ZNF565: variants seen among roughly 807,000 people sequenced by gnomAD.
ZNF565 encodes the protein zinc finger protein 565.
ZNF565 carries 27 observed loss-of-function variants against 39.4 expected under a neutral mutation model. The ratio of observed to expected loss-of-function variants is 0.69; its 90% CI spans 0.51 to 0.95. ZNF565 has a LOEUF of 0.95. Among genes scored for constraint, ZNF565 ranks in the 40% least tolerant of loss-of-function variants. The probability of loss-of-function intolerance (pLI) is 0.00; values close to 1 mark genes in which losing one functional copy is unlikely to be tolerated. For missense variants in ZNF565, 524 were observed against 621.1 expected (o/e 0.84, Z 1.66); for synonymous variants, 185 against 216.6 (o/e 0.85, Z 1.28).
Position 36,209,954 on chromosome 19 carries a change from G to T in ZNF565, c.-66+4668C>A, listed in dbSNP as rs146140706. On this transcript the variant is annotated intron_variant, in intron 1 of 4. Coordinates refer to ENST00000304116, the MANE Select transcript of ZNF565 (RefSeq NM_152477.5). Reference sequence around the variant, plus strand: ...GTGAGCCACATTTTTCAATGTCAAAGAAAGGAGTTACAAAAAGGGAAATGG... The same window carrying T: ...GTGAGCCACATTTTTCAATGTCAAATAAAGGAGTTACAAAAAGGGAAATGG... Among the ~76,000 whole-genome samples the T allele has an allele frequency of 2.6e-3, 398 of 151,896 alleles. 3 individuals carry two copies. Among genetic ancestry groups the T allele is most frequent in the African/African-American group, 8.9e-3 (368 of 41,462 alleles).
At chr19:36,211,486 C>A (rs1008353311) in intron 1 of ZNF565, among the ~76,000 whole-genome samples, 2 of 147,402 alleles carry the variant, frequency 1.4e-5, no homozygotes, top group African/African-American at 5.1e-5. Context: ...CACACACACA[C>A]AATTCTAATT....
At chr19:36,208,025 A>T (rs1046160465) in intron 1 of ZNF565, among the ~76,000 whole-genome samples, 3 of 152,126 alleles carry the variant, frequency 2.0e-5, no homozygotes, top group Non-Finnish European at 4.4e-5. Flanking sequence ...ATTAGGCCAT[A>T]CTTTGACTAG....
chr19:36,183,530 G>T lies in ZNF565; in HGVS notation c.436C>A (p.Pro146Thr). ...TGAGACGTGTGATGCTGGAACACGG[G>T]CATATGTCCATAGGTGACGTTCACT... ...KQVNVTYGHM[P>T]VFQHHTSHTV... Residue 146 changes from proline (P) to threonine (T), a missense_variant, in exon 5 of 5, where the codon CCC becomes ACC. Coordinates refer to ENST00000304116, the MANE Select transcript of ZNF565 (RefSeq NM_152477.5). 6.2e-7 allele frequency: 1 copy of T among 1,614,186 alleles called. No individual in the cohort carries two copies.
rs543470360 is a variant in ZNF565, at chr19:36,192,430, C to CA, written c.232+1802dup. Among the ~76,000 whole-genome samples the CA allele has an allele frequency of 6.5e-4, 99 of 151,898 alleles. No individual in the cohort carries two copies. The Middle Eastern group carries it at 0.01, about 16-fold the overall frequency. The stretch of plus-strand genomic sequence containing the variant: ...CAAACGTAAAGTGAGAGACAATCTA[C>CA]AAAAAAATACTCATTAAGAGGATCA... On this transcript the variant is annotated intron_variant, in intron 4 of 4. Coordinates refer to ENST00000304116, the MANE Select transcript of ZNF565 (RefSeq NM_152477.5).
intron 1 of ZNF565, among the ~76,000 whole-genome samples, chr19:36,203,975 G>A (rs1243405400): frequency 7.3e-5 from 11 of 150,392 alleles, no homozygotes; most frequent in African/African-American, 2.7e-4. Flanking sequence ...TTTGAAATGG[G>A]GTTTCACTCT....
At chr19:36,200,794 A>G (rs1421162714) in intron 2 of ZNF565, among the ~76,000 whole-genome samples, 2 of 145,068 alleles carry the variant, frequency 1.4e-5, no homozygotes, top group African/African-American at 2.6e-5. Flanking sequence ...GCATATATAT[A>G]TATTTTCTGA....
intron 1 of ZNF565, among the ~76,000 whole-genome samples, chr19:36,234,545 T>C (rs1381454043): frequency 1.3e-5 from 2 of 152,174 alleles, no homozygotes; most frequent in South Asian, 2.1e-4. Flanking sequence ...ATCTGGTTGC[T>C]CGCCACCACG....
intron 1 of ZNF565, among the ~76,000 whole-genome samples, chr19:36,207,478 T>C (rs376028139): frequency 1.3e-5 from 2 of 151,748 alleles, no homozygotes; most frequent in South Asian, 2.1e-4. Context: ...AGGCGGAGGT[T>C]GCGGTGAGCC....
chr19:36,235,362 A>G (rs1342172139), intron 1 of ZNF565, among the ~76,000 whole-genome samples: 1 of 152,168 alleles, frequency 6.6e-6, no homozygotes, highest in Non-Finnish European at 1.5e-5. Context: ...TTATTTTTCA[A>G]GAGTACTTTC....
intron 1 of ZNF565, among the ~76,000 whole-genome samples, chr19:36,220,310 TAAATGGTATAG>T (rs1873736126): frequency 1.3e-5 from 2 of 150,464 alleles, no homozygotes; most frequent in African/African-American, 2.4e-5. Context: ...TAATTCACTT[TAAATGGTATAG>T]TATTTTTACC....
chr19:36,197,842 T>C lies in ZNF565; in HGVS notation c.10-2686A>G, dbSNP rs565834598. ...ACCAGCGATACCACTGCTGGGTATC[T>C]ACCCAAAAGAAAGGAAATCAGTAGG... On this transcript the variant is annotated intron_variant, in intron 2 of 4. Transcript: ENST00000304116. Among the ~76,000 whole-genome samples, 29 of 152,188 alleles carry C rather than the reference T, an allele frequency of 1.9e-4. No homozygotes were observed. The South Asian group carries it at 5.4e-3, about 28-fold the overall frequency.
chr19:36,194,847 C>T (rs1452994914), intron 3 of ZNF565, 183 bp downstream of exon 3: 4 of 867,288 alleles, frequency 4.6e-6, no homozygotes, highest in Admixed American at 4.0e-5. Context: ...TCCTTTGACC[C>T]AGGAGCTCTG....
intron 1 of ZNF565, among the ~76,000 whole-genome samples, chr19:36,222,865 G>A (rs550008702): frequency 7.4e-6 from 1 of 134,848 alleles, no homozygotes; most frequent in Admixed American, 7.6e-5. Context: ...GCAGAAATAA[G>A]AGGTTTTGTT....
chr19:36,197,579 A>C (rs1375565065), intron 2 of ZNF565, among the ~76,000 whole-genome samples: 1 of 152,150 alleles, frequency 6.6e-6, no homozygotes, highest in Non-Finnish European at 1.5e-5. Context: ...TTGGTTGCAT[A>C]ATATCGTATG....
At chr19:36,228,058 G>T (rs1977152768) in intron 1 of ZNF565, among the ~76,000 whole-genome samples, 1 of 151,858 alleles carries the variant, frequency 6.6e-6, no homozygotes, top group South Asian at 2.1e-4. Context: ...TACTCAGGAG[G>T]CTGAGGCAGG....
rs556710282 is a variant in ZNF565, at chr19:36,245,152, G to A, written c.55+324C>T. ...CCTCGCTGCCCTTGCGAGAGCCATG[G>A]ATTCGCATTTGCGCAGAGTCGGGGT... On this transcript the variant is annotated intron_variant, in intron 1 of 4. Transcript: ENST00000355114. The surrounding 1 kb of genome is among the most constrained non-coding windows in gnomAD (Gnocchi z 4.4). Among the ~76,000 whole-genome samples the A allele has an allele frequency of 2.4e-4, 37 of 152,354 alleles. No individual in the cohort carries two copies. Among genetic ancestry groups the A allele is most frequent in the Middle Eastern group, 6.8e-3 (2 of 294 alleles).
At chr19:36,207,979 C>A (rs1976218128) in intron 1 of ZNF565, among the ~76,000 whole-genome samples, 1 of 152,058 alleles carries the variant, frequency 6.6e-6, no homozygotes, top group Non-Finnish European at 1.5e-5. Flanking sequence ...TGTTTGCCAC[C>A]ACAGCATAAC....
intron 1 of ZNF565, among the ~76,000 whole-genome samples, chr19:36,241,329 C>G (rs1977795553): frequency 6.6e-6 from 1 of 151,212 alleles, no homozygotes; most frequent in Non-Finnish European, 1.5e-5. Context: ...ACTAAAAATA[C>G]AAAAATTAGC....
intron 1 of ZNF565, among the ~76,000 whole-genome samples, chr19:36,211,913 G>A (rs1014735616): frequency 6.6e-6 from 1 of 152,130 alleles, no homozygotes; most frequent in African/African-American, 2.4e-5. Context: ...CGTCATCAAC[G>A]GATAAGACTA....
Sources: gnomAD v4.1 joint callset for allele counts (sites outside exome capture counted in the v4.1 genomes callset) on GRCh38, gnomAD v4.1.1 for gene constraint, Gnocchi (gnomAD v3.1) non-coding constraint, MANE v1.5 for transcripts, NCBI Gene and HGNC (gene_info 2026-07-23, HGNC 2026-07-21) for gene names.